Variants in CRELD1 observed in about 807,000 individuals in gnomAD.
CRELD1 encodes protein disulfide isomerase CRELD1.
A neutral mutation model predicts 58.2 loss-of-function variants in CRELD1; 42 were observed. The ratio of observed to expected loss-of-function variants is 0.72; its 90% CI spans 0.56 to 0.93. CRELD1 has a LOEUF of 0.93. CRELD1 is among the 40% of genes least tolerant of loss of function. The pLI, the probability that CRELD1 is intolerant of heterozygous loss-of-function variation, is 0.00. For missense variants in CRELD1, 500 were observed against 540.6 expected (o/e 0.92, Z 0.74); for synonymous variants, 222 against 202.0 (o/e 1.10, Z -0.84).
In CRELD1 at chr3:9,933,885, G is replaced by T. The variant is rs1483414458; in HGVS notation, c.-55G>T. 6.4e-6 allele frequency: 3 copies of T among 468,788 alleles called. No homozygotes were observed. The East Asian group carries it at 1.3e-4, about 20-fold the overall frequency. The allele number at this position is 468,788 out of a possible 1,614,324, so 29.0% of individuals were successfully genotyped here. A position where few individuals can be genotyped will look rare whatever the true frequency, so the allele number is the denominator to read the frequency against. ...GACGGCCCACGGCGCCCGCGGGCTG[G>T]GGCGGTCGCTTCTTCCTTCTCCGTG... On this transcript the variant is annotated 5_prime_UTR_variant, in exon 1 of 11. Transcript: ENST00000452070.
At position 9,934,514 on chromosome 3, in the gene CRELD1, C is replaced by T. The variant is rs2085108004; in HGVS notation, c.76C>T (p.Pro26Ser). 6.2e-7 allele frequency: 1 copy of T among 1,614,000 alleles called. No homozygotes were observed. The highest frequency in any genetic ancestry group is 1.7e-5 in the Admixed American group (1 of 60,016). ...GLSLFLNLPG[P>S]IWLQPSPPPQ... Reference sequence around the variant, plus strand: ...CAGCCTCTTCCTCAACCTCCCAGGACCTATCTGGCTCCAGCCCTCTCCACC... The same window carrying T: ...CAGCCTCTTCCTCAACCTCCCAGGATCTATCTGGCTCCAGCCCTCTCCACC... Residue 26 changes from proline (P) to serine (S), a missense_variant, in exon 2 of 11, where the codon CCT (proline) becomes TCT (serine). Physicochemically the swap from Pro to Ser is moderately conservative, Grantham distance 74 (BLOSUM62 -1). Transcript: ENST00000452070.
Position 9,943,104 on chromosome 3 carries a change from T to C in CRELD1, c.845T>C (p.Met282Thr). ...RDCAKACLGCMGAGPGRCKKC... is the reference protein window; with the variant it reads ...RDCAKACLGCTGAGPGRCKKC... ...TGTGCCAAGGCCTGCCTAGGCTGCATGGGGGCAGGGCCAGGTCGCTGTAAG... is the reference window on the plus strand; with the variant it reads ...TGTGCCAAGGCCTGCCTAGGCTGCACGGGGGCAGGGCCAGGTCGCTGTAAG... Residue 282 changes from methionine (M) to threonine (T), a missense_variant, in exon 9 of 11, where the codon ATG becomes ACG. Transcript: ENST00000452070. The C allele has an allele frequency of 6.2e-7, 1 of 1,613,842 alleles. No homozygotes were observed. Among genetic ancestry groups the C allele is most frequent in the Non-Finnish European group, 8.5e-7 (1 of 1,180,024 alleles).
At chr3:9,934,297 T>G in intron 1 of CRELD1, 123 bp from the exon 2 acceptor site, 6 of 747,016 alleles carry the variant, frequency 8.0e-6, no homozygotes, top group Non-Finnish European at 1.2e-5. Flanking sequence ...CAATACCCAG[T>G]TTGGCCTCTT....
At chr3:9,935,248 G>T (rs2085152376) in intron 3 of CRELD1, among the ~76,000 whole-genome samples, 1 of 152,216 alleles carries the variant, frequency 6.6e-6, no homozygotes, top group African/African-American at 2.4e-5. Context: ...AGCGAGCTAT[G>T]TGACAGGGAG....
Position 9,934,849 on chromosome 3 carries a change from C to T in CRELD1, c.189C>T (p.Thr63=), listed in dbSNP as rs756232194. ...VDSFNKGLER[T]IRDNFGGGNT... ...TCTGTTTCCAGGGCCTGGAGAGAAC[C>T]ATCCGGGACAACTTTGGAGGTGGAA... is the stretch of plus-strand genomic sequence containing the variant. Residue 63 remains threonine, a synonymous_variant, in exon 3 of 11, where the codon ACC becomes ACT. Coordinates refer to ENST00000452070, the MANE Select transcript of CRELD1 (RefSeq NM_001077415.3). The T allele has an allele frequency of 5.6e-6, 9 of 1,612,622 alleles. No homozygotes were observed. Among genetic ancestry groups the T allele is most frequent in the African/African-American group, 1.3e-5 (1 of 74,860 alleles).
intron 7 of CRELD1, among the ~76,000 whole-genome samples, chr3:9,941,775 G>A (rs2085374907): frequency 7.1e-6 from 1 of 140,664 alleles, no homozygotes; most frequent in Non-Finnish European, 1.5e-5. Context: ...GGGCAACAGA[G>A]GGAGACTCCA....
chr3:9,941,979 G>T (rs2085382007), intron 7 of CRELD1, among the ~76,000 whole-genome samples: 1 of 151,912 alleles, frequency 6.6e-6, no homozygotes, highest in Non-Finnish European at 1.5e-5. Context: ...AGAGTATAGA[G>T]GTTGGCTGGG....
Position 9,943,496 on chromosome 3 carries a change from T to C in CRELD1, c.1029T>C (p.Cys343=). Residue 343 remains cysteine, a synonymous_variant, in exon 10 of 11, where the codon TGT becomes TGC. Transcript: ENST00000452070. ...GCTACAAGCAGATGGAAGGCATCTG[T>C]GTGAAGGAGCAGATCCCAGGTGAGC... ...AEGYKQMEGI[C]VKEQIPESAG... 2 of 1,613,906 alleles carry C rather than the reference T, an allele frequency of 1.2e-6. No homozygotes were observed. Among genetic ancestry groups the C allele is most frequent in the Non-Finnish European group, 1.7e-6 (2 of 1,179,938 alleles).
At chr3:9,942,258 C>G (rs533722374) in intron 7 of CRELD1, among the ~76,000 whole-genome samples, 2 of 145,704 alleles carry the variant, frequency 1.4e-5, no homozygotes, top group Non-Finnish European at 3.0e-5. Flanking sequence ...GTGACAAGAG[C>G]GAAACTCCAT....
In CRELD1 at chr3:9,938,125, C is replaced by A; in HGVS notation, c.460+19C>A. 1 of 1,593,678 alleles carries A rather than the reference C, an allele frequency of 6.3e-7. No individual in the cohort carries two copies. Among genetic ancestry groups the A allele is most frequent in the South Asian group, 1.1e-5 (1 of 90,576 alleles). The stretch of plus-strand genomic sequence containing the variant: ...TGCCTTCGTGAGTTTTTAAGTTGCT[C>A]TTGGGGATGGGAGGGGACCACCGAG... On this transcript the variant is annotated intron_variant, in intron 5 of 10. Transcript: ENST00000452070.
intron 5 of CRELD1, among the ~76,000 whole-genome samples, chr3:9,939,898 A>G (rs2085301589): frequency 6.6e-6 from 1 of 151,562 alleles, no homozygotes; most frequent in Non-Finnish European, 1.5e-5. Flanking sequence ...CTCACTTCCC[A>G]GTAGGGGCAG....
intron 5 of CRELD1, 102 bp from the exon 6 acceptor site, chr3:9,940,748 A>T (rs1053397974): frequency 8.4e-6 from 4 of 474,484 alleles, no homozygotes; most frequent in Non-Finnish European, 1.4e-5. Flanking sequence ...GGAGGGGGGG[A>T]GGGAGGGAAG....
At chr3:9,940,475 G>T (rs1397454768) in intron 5 of CRELD1, among the ~76,000 whole-genome samples, 1 of 152,052 alleles carries the variant, frequency 6.6e-6, no homozygotes, top group Non-Finnish European at 1.5e-5. Flanking sequence ...AGACCGGCCC[G>T]GCCAACACAG....
At chr3:9,942,271 C>CAA (rs374647905) in intron 7 of CRELD1, among the ~76,000 whole-genome samples, 32 of 114,572 alleles carry the variant, frequency 2.8e-4, no homozygotes, top group African/African-American at 9.6e-4. Flanking sequence ...AACTCCATCT[C>CAA]AAAAAAAAAA....
chr3:9,943,339 T>TG (rs1355044878), intron 9 of CRELD1, 42 bp from the exon 10 acceptor site: 10 of 1,613,074 alleles, frequency 6.2e-6, no homozygotes, highest in South Asian at 3.3e-5. Flanking sequence ...GGGTGCTGGG[T>TG]GGGGGGCCCT....
intron 5 of CRELD1, among the ~76,000 whole-genome samples, chr3:9,940,495 G>A (rs1002356152): frequency 1.3e-5 from 2 of 152,042 alleles, no homozygotes; most frequent in South Asian, 4.2e-4. Flanking sequence ...GCGAAACCCC[G>A]TCTCCACCAA....
In CRELD1 at chr3:9,944,795, T is replaced by C; in HGVS notation, c.*216T>C. ...AGGTGGATACCATGAGCTCTTCACC[T>C]GGCGGGGACTGGCAGGCTTCACAAT... is the stretch of plus-strand genomic sequence containing the variant. On this transcript the variant is annotated 3_prime_UTR_variant, in exon 11 of 11. Coordinates refer to ENST00000452070, the MANE Select transcript of CRELD1 (RefSeq NM_001077415.3). The C allele has an allele frequency of 1.7e-6, 1 of 590,824 alleles. No individual in the cohort carries two copies. Among genetic ancestry groups the C allele is most frequent in the Non-Finnish European group, 3.0e-6 (1 of 330,666 alleles). The allele number at this position is 590,824 out of a possible 1,614,324, so 36.6% of individuals were successfully genotyped here.
Position 9,940,633 on chromosome 3 carries a change from A to G in CRELD1, c.461-217A>G, listed in dbSNP as rs375279562. On this transcript the variant is annotated intron_variant, in intron 5 of 10. Coordinates refer to ENST00000452070, the MANE Select transcript of CRELD1 (RefSeq NM_001077415.3). ...GATGGCAGCAGTACAGTCCAGCTTC[A>G]GCTTGGCATCAGAGGGAGACCGTGT... Among the ~76,000 whole-genome samples the G allele has an allele frequency of 0.072, 10,700 of 148,600 alleles. 1,170 individuals are homozygous for G. Among genetic ancestry groups the G allele is most frequent in the African/African-American group, 0.24 (9,672 of 40,232 alleles).
intron 5 of CRELD1, among the ~76,000 whole-genome samples, chr3:9,938,733 G>A (rs1420258546): frequency 6.6e-5 from 10 of 152,090 alleles, no homozygotes; most frequent in South Asian, 6.2e-4. Context: ...GGTGGCGGGC[G>A]CCTCTAGTCC....
Sources: allele counts gnomAD v4.1 joint callset (sites outside exome capture counted in the v4.1 genomes callset), GRCh38; gene constraint gnomAD v4.1.1; transcripts MANE v1.5; gene names NCBI Gene and HGNC (gene_info 2026-07-23, HGNC 2026-07-21).